ZNF652: variants seen among roughly 807,000 people sequenced by gnomAD.
ZNF652 encodes zinc finger protein 652.
A neutral mutation model predicts 45.2 loss-of-function variants in ZNF652; 16 were observed. The ratio of observed to expected loss-of-function variants is 0.35; its 90% CI spans 0.24 to 0.54. The LOEUF is 0.54. Ranked by LOEUF, ZNF652 falls within the 20% of genes least tolerant of loss-of-function variation. ZNF652 has a pLI of 0.91. For synonymous variants in ZNF652, 250 were observed against 260.6 expected (o/e 0.96, Z 0.39); for missense variants, 614 against 765.6 (o/e 0.80, Z 2.34).
At chr17:49,288,275 T>C (rs935028369), downstream of ZNF652, 10 of 152,278 alleles carry the variant, frequency 6.6e-5, no homozygotes, top group African/African-American at 2.4e-4. Context: ...TTACCTACCC[T>C]GTATCTATGA....
At chr17:49,351,012 T>TATACATAC (rs1210881943) in intron 1 of ZNF652, among the ~76,000 whole-genome samples, 1 of 20,306 alleles carries the variant, frequency 4.9e-5, no homozygotes, top group African/African-American at 1.9e-4. Flanking sequence ...TATATATATA[T>TATACATAC]ATACACACAC....
rs201809086 is a variant in ZNF652 at position 49,317,052 on chromosome 17, C to T, written c.674G>A (p.Arg225Gln). ...TGGTGCTTTGGGCTCCTTTGTGGCC[C>T]GCTTCTTACGCTTAGGTGGCTCTAC... The part of the protein sequence containing the change: ...KSVEPPKRKK[R>Q]ATKEPKAPVQ... The change falls in exon 2 of 6, where the codon CGG becomes CAG. Residue 225 changes from arginine to glutamine, a missense_variant. This residue lies in a region of ZNF652 where 262 missense variants were observed against 306.3 expected (regional missense o/e 0.86). Coordinates refer to ENST00000430262, the MANE Select transcript of ZNF652 (RefSeq NM_001145365.3). The T allele has an allele frequency of 1.3e-5, 21 of 1,613,830 alleles. No homozygotes were observed. The highest frequency in any genetic ancestry group is 2.7e-5 in the African/African-American group (2 of 74,838).
intron 1 of ZNF652, among the ~76,000 whole-genome samples, chr17:49,325,804 A>C (rs2069950308): frequency 2.0e-5 from 3 of 152,112 alleles, no homozygotes; most frequent in Admixed American, 6.6e-5. Flanking sequence ...TGTTTTTATT[A>C]TGGTTAATTT....
chr17:49,349,334 G>A (rs2070245573), intron 1 of ZNF652, among the ~76,000 whole-genome samples: 2 of 152,074 alleles, frequency 1.3e-5, no homozygotes, highest in African/African-American at 4.8e-5. Flanking sequence ...AGGAGGCAGA[G>A]GTTGCAGTGA....
intron 1 of ZNF652, among the ~76,000 whole-genome samples, chr17:49,360,133 C>T (rs1311054474): frequency 1.3e-5 from 2 of 152,160 alleles, no homozygotes; most frequent in African/African-American, 4.8e-5. Flanking sequence ...TACAGGAAAA[C>T]GAGGAAATGA....
intron 1 of ZNF652, among the ~76,000 whole-genome samples, chr17:49,319,332 T>A (rs2069855173): frequency 1.3e-5 from 2 of 152,098 alleles, no homozygotes; most frequent in Admixed American, 1.3e-4. Flanking sequence ...GTTGAATTTT[T>A]TTTTTTTTAA....
chr17:49,360,113 A>C (rs2070377311), intron 1 of ZNF652, among the ~76,000 whole-genome samples: 1 of 152,174 alleles, frequency 6.6e-6, no homozygotes, highest in Non-Finnish European at 1.5e-5. Context: ...TCTCACATAC[A>C]TTTCCTTTTT....
At chr17:49,357,032 C>T (rs2070344782) in intron 1 of ZNF652, among the ~76,000 whole-genome samples, 1 of 150,202 alleles carries the variant, frequency 6.7e-6, no homozygotes, top group Non-Finnish European at 1.5e-5. Flanking sequence ...GGCACAGTGG[C>T]TCACGCCTGT....
intron 1 of ZNF652, among the ~76,000 whole-genome samples, chr17:49,346,469 T>C (rs2070206148): frequency 6.6e-6 from 1 of 152,188 alleles, no homozygotes; most frequent in Non-Finnish European, 1.5e-5. Flanking sequence ...AAGAATCACT[T>C]GAACCTGGGA....
At chr17:49,309,016 CA>C (rs2069670949) in intron 5 of ZNF652, among the ~76,000 whole-genome samples, 2 of 151,572 alleles carry the variant, frequency 1.3e-5, no homozygotes, top group African/African-American at 4.8e-5. Flanking sequence ...CAAAGAAATA[CA>C]AGAGAAAGAG....
chr17:49,319,926 G>T (rs1263017890), intron 1 of ZNF652, among the ~76,000 whole-genome samples: 1 of 152,090 alleles, frequency 6.6e-6, no homozygotes, highest in Non-Finnish European at 1.5e-5. Flanking sequence ...CAATTCAAAT[G>T]TATTGGCCGT....
intron 5 of ZNF652, among the ~76,000 whole-genome samples, chr17:49,306,450 GT>G (rs1567916238): frequency 6.6e-6 from 1 of 152,076 alleles, no homozygotes; most frequent in African/African-American, 2.4e-5. Flanking sequence ...TTCCCTCTGG[GT>G]TTTTTCAATT....
At chr17:49,348,732 G>C (rs1487494286) in intron 1 of ZNF652, among the ~76,000 whole-genome samples, 1 of 152,070 alleles carries the variant, frequency 6.6e-6, no homozygotes, top group Non-Finnish European at 1.5e-5. Flanking sequence ...ATGATGTCTG[G>C]AGTTGCTTTA....
Position 49,312,791 on chromosome 17 carries a change from T to C in ZNF652, c.955A>G (p.Lys319Glu), listed in dbSNP as rs977701249. 1 of 1,614,034 alleles carries C rather than the reference T, an allele frequency of 6.2e-7. No individual in the cohort carries two copies. The highest frequency in any genetic ancestry group is 1.1e-5 in the South Asian group (1 of 91,082). ...TTTTCTGCATATCCATGGACGATCT[T>C]GATATGTTCATGAAGGGACCAGAGT... is the stretch of plus-strand genomic sequence containing the variant. The part of the protein sequence containing the change: ...KKLWSLHEHI[K>E]IVHGYAEKKF... Residue 319 changes from lysine to glutamate, a missense_variant, in exon 3 of 6, where the codon AAG (lysine) becomes GAG (glutamate). Coordinates refer to ENST00000430262, the MANE Select transcript of ZNF652 (RefSeq NM_001145365.3).
intron 1 of ZNF652, among the ~76,000 whole-genome samples, chr17:49,331,089 GAGAA>G (rs1395094583): frequency 7.0e-6 from 1 of 143,488 alleles, no homozygotes; most frequent in Non-Finnish European, 1.5e-5. Flanking sequence ...AAAGAAAAAA[GAGAA>G]AGAAAAGAAA....
intron 1 of ZNF652, among the ~76,000 whole-genome samples, chr17:49,356,625 C>G (rs2070340361): frequency 6.6e-6 from 1 of 151,870 alleles, no homozygotes; most frequent in South Asian, 2.1e-4. Context: ...AAGTATACTG[C>G]AAAATCTAAG....
chr17:49,331,137 T>C (rs1376661661), intron 1 of ZNF652, among the ~76,000 whole-genome samples: 1 of 149,204 alleles, frequency 6.7e-6, no homozygotes, highest in Non-Finnish European at 1.5e-5. Flanking sequence ...TTTTTTTTTT[T>C]TTGGGACGGA....
At chr17:49,345,491 C>T (rs1045151829) in intron 1 of ZNF652, among the ~76,000 whole-genome samples, 1 of 150,738 alleles carries the variant, frequency 6.6e-6, no homozygotes, top group Admixed American at 6.6e-5. Context: ...CGTAAGCCAC[C>T]GCGCCTGGCC....
chr17:49,307,756 C>A (rs957046229), intron 5 of ZNF652, among the ~76,000 whole-genome samples: 4 of 151,724 alleles, frequency 2.6e-5, no homozygotes, highest in Admixed American at 6.6e-5. Flanking sequence ...CATCTCAAAA[C>A]AAACAAACGA....
Sources: allele counts gnomAD v4.1 joint callset (sites outside exome capture counted in the v4.1 genomes callset), GRCh38; gene constraint gnomAD v4.1.1; regional missense constraint gnomAD v4.1.1; transcripts MANE v1.5; gene names NCBI Gene and HGNC (gene_info 2026-07-23, HGNC 2026-07-21).